The following CRACD variants were observed in gnomAD, a reference collection of about 807,000 sequenced individuals.
The protein encoded by CRACD is capping protein-inhibiting regulator of actin dynamics.
Under a neutral mutation model 106.8 loss-of-function variants are expected in CRACD, and 56 were observed. The observed-to-expected ratio is 0.52, with a 90% CI of 0.42 to 0.66. The LOEUF (loss-of-function observed/expected upper bound fraction) is 0.66, where lower values mean the gene tolerates loss of function less well. Among genes scored for constraint, CRACD ranks in the 30% least tolerant of loss-of-function variants. The pLI is 0.00. For missense variants in CRACD, 1,730 were observed against 1,623.2 expected, an observed-to-expected ratio of 1.07 and a Z score of -1.13; for synonymous variants, 754 against 670.8, an observed-to-expected ratio of 1.12 and a Z score of -1.92.
At chr4:56,220,009 C>T (rs1738942312) in intron 2 of CRACD, among the ~76,000 whole-genome samples, 1 of 151,904 alleles carries the variant, frequency 6.6e-6, no homozygotes, top group Non-Finnish European at 1.5e-5. Context: ...GAAAGAAATA[C>T]AAGAAAGGAA....
intron 1 of CRACD, among the ~76,000 whole-genome samples, chr4:56,164,815 T>G (rs77753749): frequency 0.031 from 4,657 of 152,294 alleles, 229 homozygotes; most frequent in African/African-American, 0.11. Context: ...TGATCAAAAC[T>G]GTTATAGAGT....
At chr4:56,059,176 G>T (rs1465053531) in intron 1 of CRACD, among the ~76,000 whole-genome samples, 1 of 152,290 alleles carries the variant, frequency 6.6e-6, no homozygotes, top group South Asian at 2.1e-4. Flanking sequence ...GGTGGCGCCT[G>T]TCTGTAGTCC....
intron 1 of CRACD, among the ~76,000 whole-genome samples, chr4:56,161,312 T>G (rs533456575): frequency 1.3e-5 from 2 of 152,326 alleles, no homozygotes; most frequent in Non-Finnish European, 2.9e-5. Context: ...GAAAGAACTG[T>G]TTCATTCTGG....
chr4:56,240,925 A>G (rs1412527930), intron 2 of CRACD, among the ~76,000 whole-genome samples: 3 of 152,172 alleles, frequency 2.0e-5, no homozygotes, highest in African/African-American at 7.2e-5. Context: ...GATTAAGTCC[A>G]TCCGCACACC....
intron 1 of CRACD, among the ~76,000 whole-genome samples, chr4:56,116,471 A>G (rs2109848500): frequency 6.6e-6 from 1 of 152,286 alleles, no homozygotes; most frequent in South Asian, 2.1e-4. Context: ...TCTGTACTGC[A>G]CCATGATGAT....
intron 9 of CRACD, 135 bp downstream of exon 9, chr4:56,323,702 C>T: frequency 4.8e-6 from 4 of 840,772 alleles, no homozygotes; most frequent in African/African-American, 3.5e-5. Flanking sequence ...AATAAACTGA[C>T]CACCATTAAA....
intron 2 of CRACD, among the ~76,000 whole-genome samples, 159 bp from the exon 3 acceptor site, chr4:56,272,162 G>A (rs73817460): frequency 3.3e-5 from 5 of 152,324 alleles, no homozygotes; most frequent in Non-Finnish European, 5.9e-5. Flanking sequence ...TGGGGCTGGC[G>A]CCGACATTCC....
intron 10 of CRACD, 114 bp downstream of exon 10, chr4:56,324,380 A>G: frequency 1.0e-6 from 1 of 954,232 alleles, no homozygotes; most frequent in Non-Finnish European, 1.5e-6. Context: ...TTCAAAGCAC[A>G]GGCTATCTGA....
intron 1 of CRACD, among the ~76,000 whole-genome samples, chr4:56,064,849 A>G (rs777603713): frequency 6.6e-6 from 1 of 152,048 alleles, no homozygotes; most frequent in Non-Finnish European, 1.5e-5. Flanking sequence ...TCGAAGTTTC[A>G]CCCACAGCCC....
chr4:56,214,567 G>A (rs968290898), intron 2 of CRACD, among the ~76,000 whole-genome samples: 2 of 151,186 alleles, frequency 1.3e-5, no homozygotes, highest in African/African-American at 2.4e-5. Context: ...ACTCCAGCCC[G>A]GGCAACAGTG....
At chr4:56,151,975 G>C (rs576981175) in intron 1 of CRACD, among the ~76,000 whole-genome samples, 2 of 151,424 alleles carry the variant, frequency 1.3e-5, no homozygotes, top group Admixed American at 1.3e-4. Context: ...GATTAAGGGG[G>C]TGACTGCTGG....
chr4:56,148,032 T>C (rs539582788), intron 1 of CRACD, among the ~76,000 whole-genome samples: 1 of 152,258 alleles, frequency 6.6e-6, no homozygotes, highest in Non-Finnish European at 1.5e-5. Context: ...GAAAAGGCCA[T>C]GTGAAGACGT....
chr4:56,237,955 CTAGTTA>C (rs1740087722), intron 2 of CRACD, among the ~76,000 whole-genome samples: 1 of 151,892 alleles, frequency 6.6e-6, no homozygotes, highest in East Asian at 1.9e-4. Context: ...ATTGTATAAT[CTAGTTA>C]TCTAGTGCTA....
chr4:56,066,317 C>A (rs934120452), intron 1 of CRACD, among the ~76,000 whole-genome samples: 1 of 152,068 alleles, frequency 6.6e-6, no homozygotes, highest in Non-Finnish European at 1.5e-5. Context: ...TTTTTTGGAG[C>A]ATTCTTAAGT....
At chr4:56,183,354 C>T (rs775138241) in intron 2 of CRACD, among the ~76,000 whole-genome samples, 48 of 152,146 alleles carry the variant, frequency 3.2e-4, no homozygotes, top group Non-Finnish European at 6.2e-4. Flanking sequence ...AAGATTCCCT[C>T]TAAACGTGCA....
At chr4:56,264,903 G>A (rs1972131) in intron 2 of CRACD, among the ~76,000 whole-genome samples, 40,157 of 151,908 alleles carry the variant, frequency 0.26, 5,430 homozygotes, top group African/African-American at 0.28. Context: ...CTGACTTCCC[G>A]CAACAAATAT....
rs1183825963 is a variant in CRACD at position 56,314,917 on chromosome 4, AG to A, written c.1420del (p.Ala474ProfsTer19). The A allele has an allele frequency of 6.2e-7, 1 of 1,605,852 alleles. No individual in the cohort carries two copies. The highest frequency in any genetic ancestry group is 1.3e-5 in the African/African-American group (1 of 74,986). ...CAGCAGGGAAGGAGCGGGGATTTCC[AG>A]GGGGCCGATCGTCCTGGGCCCGAGG... ...REQQGRSGDF[Q>X]GADRPGPEEK... On this transcript the variant is annotated frameshift_variant, in exon 8 of 11. Transcript: ENST00000682029. LOFTEE classifies it high-confidence loss of function. The surrounding 1 kb of genome is among the most constrained non-coding windows in gnomAD (Gnocchi z 4.4).
intron 1 of CRACD, among the ~76,000 whole-genome samples, chr4:56,093,906 A>G (rs1022229531): frequency 6.6e-6 from 1 of 152,202 alleles, no homozygotes; most frequent in African/African-American, 2.4e-5. Context: ...TGTATGCACC[A>G]GGGCTGGCAG....
In CRACD at chr4:56,307,534, G is replaced by GCAA; in HGVS notation, c.123_125dup (p.Gln42dup). 6.2e-7 allele frequency: 1 copy of GCAA among 1,614,036 alleles called. No homozygotes were observed. The highest frequency in any genetic ancestry group is 1.1e-5 in the South Asian group (1 of 91,038). On this transcript the variant is annotated inframe_insertion and splice_region_variant. Transcript: ENST00000682029. ...AATGTCTTTCTTCTGTTTCTCTCCAGCAACAGTTGGGCAAGAATATCAAGT... is the reference window on the plus strand; with the variant it reads ...AATGTCTTTCTTCTGTTTCTCTCCAGCAACAACAGTTGGGCAAGAATATCAAGT...
Sources: gnomAD v4.1 joint callset for allele counts (sites outside exome capture counted in the v4.1 genomes callset) on GRCh38, gnomAD v4.1.1 for gene constraint, Gnocchi (gnomAD v3.1) non-coding constraint, MANE v1.5 for transcripts, NCBI Gene and HGNC (gene_info 2026-07-23, HGNC 2026-07-21) for gene names.